Variants in ARSG observed in about 807,000 individuals in gnomAD.
ARSG encodes ASG.
A neutral mutation model predicts 50.5 loss-of-function variants in ARSG; 37 were observed. The ratio of observed to expected loss-of-function variants is 0.73; its 90% CI spans 0.56 to 0.96. ARSG has a LOEUF of 0.96. ARSG is among the 50% of genes least tolerant of loss of function. The pLI, the probability that ARSG is intolerant of heterozygous loss-of-function variation, is 0.00. For synonymous variants in ARSG, 225 were observed against 254.6 expected, an observed-to-expected ratio of 0.88 and a Z score of 1.11; for missense variants, 629 against 675.3, an observed-to-expected ratio of 0.93 and a Z score of 0.76.
chr17:68,377,253 A>C (rs1251843463), intron 8 of ARSG, among the ~76,000 whole-genome samples: 1 of 152,210 alleles, frequency 6.6e-6, no homozygotes, highest in African/African-American at 2.4e-5. Flanking sequence ...GCCAGCCAGC[A>C]ATGGAGGGGT....
chr17:68,379,296 A>G (rs2080306913), intron 8 of ARSG, among the ~76,000 whole-genome samples: 1 of 152,100 alleles, frequency 6.6e-6, no homozygotes, highest in Non-Finnish European at 1.5e-5. Flanking sequence ...GCTGCAGTGC[A>G]GTGGTCTGAT....
At chr17:68,398,478 A>G (rs958236442) in intron 10 of ARSG, among the ~76,000 whole-genome samples, 10 of 152,234 alleles carry the variant, frequency 6.6e-5, no homozygotes, top group African/African-American at 2.2e-4. Flanking sequence ...ATACATGTGT[A>G]CATATGTATT....
At chr17:68,340,908 T>G (rs1239747504) in intron 2 of ARSG, among the ~76,000 whole-genome samples, 1 of 152,198 alleles carries the variant, frequency 6.6e-6, no homozygotes, top group Non-Finnish European at 1.5e-5. Flanking sequence ...TATATTAATT[T>G]TAACATTATA....
At chr17:68,272,833 A>G in intron 1 of ARSG, 5 of 1,590,302 alleles carry the variant, frequency 3.1e-6, no homozygotes, top group Non-Finnish European at 4.3e-6. Context: ...AGGATGCATT[A>G]AAAGATCTGG....
chr17:68,441,060 C>T, the ARSG span: 9 of 152,290 alleles, frequency 5.9e-5, no homozygotes, highest in South Asian at 1.0e-3. Flanking sequence ...TGGTATGGAA[C>T]GCTCCCTCAA....
In ARSG at chr17:68,295,588, G is replaced by T. The variant is rs578249349; in HGVS notation, c.-552+4020G>T. 2.0e-5 allele frequency among the ~76,000 whole-genome samples: 3 copies of T among 151,846 alleles called. No homozygotes were observed. In the South Asian group the frequency reaches 6.2e-4, roughly 32 times the overall value. On this transcript the variant is annotated intron_variant, in intron 1 of 11. Transcript: ENST00000621439. ...TGAGTGTGATAATCCTAGTGCTTTT[G>T]GCATGAAGGCAGGAGGATTGCTTGA...
At chr17:68,352,063 G>GGAGAGAGAGAGAGAGAGACAGAGGA (rs2078791423) in intron 5 of ARSG, among the ~76,000 whole-genome samples, 1 of 141,400 alleles carries the variant, frequency 7.1e-6, no homozygotes, top group Non-Finnish European at 1.5e-5. Flanking sequence ...GAGAGACAGA[G>GGAGAGAGAGAGAGAGAGACAGAGGA]GAGAGAGAGA....
At chr17:68,279,272 A>G (rs909228441) in intron 1 of ARSG, among the ~76,000 whole-genome samples, 12 of 152,014 alleles carry the variant, frequency 7.9e-5, no homozygotes, top group African/African-American at 2.7e-4. Context: ...TTGAGATACC[A>G]TAAGCGTCTC....
In ARSG at chr17:68,367,575, G is replaced by A. The variant is rs2079606136; in HGVS notation, c.705-973G>A. On this transcript the variant is annotated intron_variant, in intron 6 of 11. Transcript: ENST00000621439. This position sits in a 1 kb window ranked among gnomAD's most constrained non-coding sequence, Gnocchi z 4.5. ...ATTCTGCAGCTGCTCTTGGCTGGGA[G>A]TAGGACTGGGACCTTTGCTTGGAAG... Among the ~76,000 whole-genome samples, 1 of 152,168 alleles carries A rather than the reference G, an allele frequency of 6.6e-6. No individual in the cohort carries two copies. Among genetic ancestry groups the A allele is most frequent in the Admixed American group, 6.5e-5 (1 of 15,278 alleles).
chr17:68,395,067 C>G lies in ARSG; in HGVS notation c.1092-6C>G, dbSNP rs200419794. On this transcript the variant is annotated splice_polypyrimidine_tract_variant and splice_region_variant and intron_variant, in intron 9 of 11. Coordinates refer to ENST00000621439, the MANE Select transcript of ARSG (RefSeq NM_001267727.2). ...TGGGGACAACTCAGTCTTGTTATTT[C>G]CGCAGCGTGCTGGACATTTTTCCAA... The G allele has an allele frequency of 1.9e-6, 3 of 1,613,720 alleles. No homozygotes were observed. Among genetic ancestry groups the G allele is most frequent in the Non-Finnish European group, 2.5e-6 (3 of 1,179,770 alleles).
intron 11 of ARSG, among the ~76,000 whole-genome samples, chr17:68,419,815 G>C (rs2082645193): frequency 6.7e-6 from 1 of 148,786 alleles, no homozygotes; most frequent in Admixed American, 6.6e-5. Flanking sequence ...AAAAAAAGTT[G>C]GGCGTGGTGG....
At position 68,278,244 on chromosome 17, in the gene ARSG, G is replaced by A. The variant is rs781832161; in HGVS notation, c.-552+18818G>A. ...AACGAAGAAAAATGAAACAGCTACCGCCCAGCCCCATCCTCCATCAGGCAC... is the reference window on the plus strand; with the variant it reads ...AACGAAGAAAAATGAAACAGCTACCACCCAGCCCCATCCTCCATCAGGCAC... On this transcript the variant is annotated intron_variant, in intron 1 of 11. Transcript: ENST00000448504. 54 of 1,613,964 alleles carry A rather than the reference G, an allele frequency of 3.3e-5. No individual in the cohort carries two copies. The highest frequency in any genetic ancestry group is 1.6e-4 in the Middle Eastern group (1 of 6,084).
intron 11 of ARSG, among the ~76,000 whole-genome samples, chr17:68,419,017 CA>C (rs3072871): frequency 0.11 from 12,051 of 112,846 alleles, 1,078 homozygotes; most frequent in African/African-American, 0.27. Flanking sequence ...ATAGCAAAGC[CA>C]AAAAAAAAAA....
At chr17:68,295,350 G>A (rs1381400243) in intron 1 of ARSG, among the ~76,000 whole-genome samples, 9 of 152,062 alleles carry the variant, frequency 5.9e-5, no homozygotes, top group Admixed American at 3.9e-4. Context: ...TCGATGTATC[G>A]TTGGTGTCTG....
intron 1 of ARSG, among the ~76,000 whole-genome samples, chr17:68,306,236 A>T (rs1264172263): frequency 1.3e-5 from 2 of 151,964 alleles, no homozygotes; most frequent in African/African-American, 2.4e-5. Context: ...TCCCAACCTC[A>T]GGTGATCCGC....
intron 2 of ARSG, among the ~76,000 whole-genome samples, chr17:68,338,756 T>TA (rs1472378123): frequency 2.0e-5 from 3 of 152,222 alleles, no homozygotes; most frequent in African/African-American, 7.2e-5. Flanking sequence ...TTAGCACATG[T>TA]AAAGCGCCCT....
At chr17:68,318,457 T>C (rs1358616676) in intron 2 of ARSG, among the ~76,000 whole-genome samples, 1 of 152,190 alleles carries the variant, frequency 6.6e-6, no homozygotes, top group East Asian at 1.9e-4. Context: ...GGCAATGGCC[T>C]AGGATTTCTG....
chr17:68,424,613 C>T (rs749001000), downstream of ARSG: 18 of 453,036 alleles, frequency 4.0e-5, no homozygotes, highest in South Asian at 8.7e-5. Context: ...CGGCGGTTCA[C>T]GCCTGTAATC....
chr17:68,343,791 G>T lies in ARSG; in HGVS notation c.406G>T (p.Gly136Cys). The change falls in exon 3 of 12, where the codon GGC becomes TGC. Residue 136 changes from glycine to cysteine, a missense_variant and splice_region_variant. By Grantham distance (159) the Gly-to-Cys change is radical (BLOSUM62 -3). Coordinates refer to ENST00000621439, the MANE Select transcript of ARSG (RefSeq NM_001267727.2). ...GGCGGGTTACGTCACTGGGATAATA[G>T]GTAACTCTGGGCCCCGTCTGCCTGT... is the stretch of plus-strand genomic sequence containing the variant. ...QQAGYVTGII[G>C]KWHLGHHGSY... The T allele has an allele frequency of 1.9e-6, 3 of 1,606,346 alleles. No individual in the cohort carries two copies. Among genetic ancestry groups the T allele is most frequent in the Non-Finnish European group, 2.6e-6 (3 of 1,174,290 alleles).
Sources: allele counts gnomAD v4.1 joint callset (sites outside exome capture counted in the v4.1 genomes callset), GRCh38; gene constraint gnomAD v4.1.1; non-coding constraint Gnocchi (gnomAD v3.1); transcripts MANE v1.5; gene names NCBI Gene and HGNC (gene_info 2026-07-23, HGNC 2026-07-21).